Variants in VWF observed in about 807,000 individuals in gnomAD.
VWF encodes the protein Factor VIII related antigen.
In VWF, 176 loss-of-function variants were observed where a neutral mutation model predicts 308.6. The ratio of observed to expected loss-of-function variants is 0.57; its 90% CI spans 0.50 to 0.65. The LOEUF (loss-of-function observed/expected upper bound fraction) is 0.65. Among genes scored for constraint, VWF ranks in the 30% least tolerant of loss-of-function variants. VWF has a pLI of 0.00. For synonymous variants in VWF, 1,385 were observed against 1,443.4 expected, an observed-to-expected ratio of 0.96 and a Z score of 0.92; for missense variants, 3,146 against 3,648.2, an observed-to-expected ratio of 0.86 and a Z score of 3.55.
In VWF at chr12:6,057,034, G is replaced by C; in HGVS notation, c.1768C>G (p.Pro590Ala). 2 of 1,548,412 alleles carry C rather than the reference G, an allele frequency of 1.3e-6. No homozygotes were observed. Among genetic ancestry groups the C allele is most frequent in the Non-Finnish European group, 8.7e-7 (1 of 1,152,764 alleles). Residue 590 changes from proline (P) to alanine (A), a missense_variant, in exon 15 of 52, where the codon CCC becomes GCC. Around this residue, in one of 3 missense-constraint regions of VWF, gnomAD observed 1,304 missense variants for 1,353.0 expected, o/e 0.96. Transcript: ENST00000261405. ...SEEACAVLTS[P>A]TFEACHRAVS... The stretch of plus-strand genomic sequence containing the variant: ...GCACGATGGCAGGCCTCGAATGTGG[G>C]GGACGTCAGGACCGCGCACGCCTCC...
chr12:6,014,929 A>G (rs918265098), intron 31 of VWF, among the ~76,000 whole-genome samples: 7 of 152,226 alleles, frequency 4.6e-5, no homozygotes, highest in African/African-American at 1.7e-4. Context: ...TTTCTTTCCC[A>G]GTGAAAATCT....
chr12:6,031,315 G>A, intron 21 of VWF, 129 bp downstream of exon 21: 1 of 1,511,838 alleles, frequency 6.6e-7, no homozygotes, highest in Non-Finnish European at 9.1e-7. Context: ...CAATAGCTCT[G>A]CCTCATCCTC....
intron 43 of VWF, among the ~76,000 whole-genome samples, chr12:5,972,687 C>T (rs998111348): frequency 6.6e-6 from 1 of 152,214 alleles, no homozygotes; most frequent in East Asian, 1.9e-4. Flanking sequence ...GCCCACCTCC[C>T]AGCAGTGTGC....
chr12:6,063,163 A>C lies in VWF; in HGVS notation c.1433-109T>G. 1 of 901,712 alleles carries C rather than the reference A, an allele frequency of 1.1e-6. No individual in the cohort carries two copies. The highest frequency in any genetic ancestry group is 1.4e-5 in the South Asian group (1 of 71,116). The allele number at this position is 901,712 out of a possible 1,614,324, so 55.9% of individuals were successfully genotyped here. A position where few individuals can be genotyped will look rare whatever the true frequency, so the allele number is the denominator to read the frequency against. On this transcript the variant is annotated intron_variant, in intron 12 of 51. Transcript: ENST00000261405. This position sits in a 1 kb window ranked among gnomAD's most constrained non-coding sequence, Gnocchi z 4.9. Reference sequence around the variant, plus strand: ...GTGTCTCAAAAGGATGGTAGCACTGAAGAGCAATGACTTAGGGGCAGATGG... The same window carrying C: ...GTGTCTCAAAAGGATGGTAGCACTGCAGAGCAATGACTTAGGGGCAGATGG...
chr12:5,995,016 T>C (rs1346277400), intron 35 of VWF, among the ~76,000 whole-genome samples: 1 of 152,160 alleles, frequency 6.6e-6, no homozygotes, highest in Admixed American at 6.5e-5. Flanking sequence ...TGCAAGGACA[T>C]TTTTGCTTCT....
At chr12:5,959,249 T>C (rs551236903) in intron 47 of VWF, among the ~76,000 whole-genome samples, 1 of 152,178 alleles carries the variant, frequency 6.6e-6, no homozygotes, top group African/African-American at 2.4e-5. Context: ...TATTTGATAA[T>C]GACAAAAGAA....
chr12:6,094,342 A>G (rs1457753466), intron 6 of VWF, among the ~76,000 whole-genome samples: 2 of 152,224 alleles, frequency 1.3e-5, no homozygotes, highest in African/African-American at 4.8e-5. Context: ...GTCTGCAACT[A>G]TAAAGTAGTT....
intron 10 of VWF, 45 bp from the exon 11 acceptor site, chr12:6,065,318 C>T (rs773995811): frequency 2.4e-5 from 39 of 1,612,372 alleles, no homozygotes; most frequent in South Asian, 4.4e-5. Flanking sequence ...GGTGAGGGCA[C>T]TTCCCCTGGG....
Position 6,057,047 on chromosome 12 carries a change from C to T in VWF, c.1755G>A (p.Ala585=). 2 of 1,544,912 alleles carry T rather than the reference C, an allele frequency of 1.3e-6. No individual in the cohort carries two copies. The highest frequency in any genetic ancestry group is 1.7e-6 in the Non-Finnish European group (2 of 1,151,248). ...RMTRFSEEAC[A]VLTSPTFEAC... The stretch of plus-strand genomic sequence containing the variant: ...CCTCGAATGTGGGGGACGTCAGGAC[C>T]GCGCACGCCTCCTCGGAGAACCTGG... The change falls in exon 15 of 52, where the codon GCG becomes GCA. Residue 585 remains alanine (A), a synonymous_variant. Transcript: ENST00000261405.
chr12:6,006,051 T>C (rs1162622280), intron 34 of VWF, among the ~76,000 whole-genome samples: 1 of 152,158 alleles, frequency 6.6e-6, no homozygotes, highest in East Asian at 1.9e-4. Flanking sequence ...ACTATCACTA[T>C]AAAAATCAGT....
chr12:6,001,405 CTAAAG>C (rs1943872174), intron 34 of VWF, among the ~76,000 whole-genome samples: 1 of 151,882 alleles, frequency 6.6e-6, no homozygotes, highest in African/African-American at 2.4e-5. Context: ...TTCAGAAAGG[CTAAAG>C]TAAAGGGACA....
intron 42 of VWF, among the ~76,000 whole-genome samples, chr12:5,978,260 T>G (rs771977444): frequency 2.6e-5 from 4 of 151,876 alleles, no homozygotes; most frequent in Non-Finnish European, 4.4e-5. Flanking sequence ...AAAGGAAATT[T>G]TATGTATTTA....
At position 6,057,859 on chromosome 12, in the gene VWF, G is replaced by C; in HGVS notation, c.1719C>G (p.Asn573Lys). 1 of 1,608,392 alleles carries C rather than the reference G, an allele frequency of 6.2e-7. No homozygotes were observed. Among genetic ancestry groups the C allele is most frequent in the Non-Finnish European group, 8.5e-7 (1 of 1,177,224 alleles). ...QKQHSDPCAL[N>K]PRMTRFSEEA... is the part of the protein sequence containing the mutation. Reference sequence around the variant, plus strand: ...CCCGGGTTCACATACTCATGCGCGGGTTGAGGGCGCAGGGATCGCTGTGCT... The same window carrying C: ...CCCGGGTTCACATACTCATGCGCGGCTTGAGGGCGCAGGGATCGCTGTGCT... The change falls in exon 14 of 52, where the codon AAC becomes AAG. Residue 573 changes from asparagine (N) to lysine (K), a missense_variant. Physicochemically the swap from Asn to Lys is moderately conservative, Grantham distance 94. Transcript: ENST00000261405.
chr12:6,123,714 C>G (rs61908695), intron 1 of VWF, among the ~76,000 whole-genome samples: 5 of 152,190 alleles, frequency 3.3e-5, no homozygotes, highest in Non-Finnish European at 5.9e-5. Context: ...AGGCTGTCTC[C>G]CTTGCCTCCA....
chr12:6,079,396 G>C (rs1035411566), intron 6 of VWF, among the ~76,000 whole-genome samples: 3 of 152,116 alleles, frequency 2.0e-5, no homozygotes, highest in Non-Finnish European at 4.4e-5. Context: ...CAAGAGGTCA[G>C]GAGATCAAGA....
At position 6,012,109 on chromosome 12, in the gene VWF, T is replaced by C. The variant is rs780276684; in HGVS notation, c.5642A>G (p.Asp1881Gly). The C allele has an allele frequency of 6.2e-7, 1 of 1,614,072 alleles. No individual in the cohort carries two copies. The highest frequency in any genetic ancestry group is 8.5e-7 in the Non-Finnish European group (1 of 1,179,946). ...LCSGFVRICM[D>G]EDGNEKRPGD... ...TACCCTCTTCTCATTCCCATCCTCA[T>C]CCATGCAAATCCTAACAAATCCTGC... Residue 1881 changes from aspartate to glycine, a missense_variant, in exon 33 of 52, where the codon GAT (aspartate) becomes GGT (glycine). By Grantham distance (94) the Asp-to-Gly change is moderately conservative. Transcript: ENST00000261405.
intron 20 of VWF, among the ~76,000 whole-genome samples, chr12:6,032,875 T>TAC (rs796891068): frequency 0.7 from 99,676 of 143,192 alleles, 33,034 homozygotes; most frequent in East Asian, 0.76. Context: ...CATGTACTCA[T>TAC]ACACACACAC....
intron 5 of VWF, among the ~76,000 whole-genome samples, chr12:6,109,264 TATAC>T (rs1253760962): frequency 6.7e-6 from 1 of 149,796 alleles, no homozygotes; most frequent in Admixed American, 6.6e-5. Flanking sequence ...CGTGTATATA[TATAC>T]ATATATATAC....
intron 22 of VWF, among the ~76,000 whole-genome samples, chr12:6,028,091 C>T (rs1944216093): frequency 6.6e-6 from 1 of 152,188 alleles, no homozygotes; most frequent in Non-Finnish European, 1.5e-5. Flanking sequence ...ATCAGGGATG[C>T]TGTGGAGGCC....
Sources: gnomAD v4.1 joint callset for allele counts (sites outside exome capture counted in the v4.1 genomes callset) on GRCh38, gnomAD v4.1.1 for gene constraint, gnomAD v4.1.1 regional missense constraint, Gnocchi (gnomAD v3.1) non-coding constraint, MANE v1.5 for transcripts, NCBI Gene and HGNC (gene_info 2026-07-23, HGNC 2026-07-21) for gene names.